Variants in ATP8B4 observed in about 807,000 individuals in gnomAD.
ATP8B4 encodes ATPase phospholipid transporting 8B4 (putative).
In ATP8B4, 133 loss-of-function variants were observed where a neutral mutation model predicts 145.6. That is an observed-to-expected ratio of 0.91 (90% CI 0.79 to 1.05). The LOEUF is 1.05. Among genes scored for constraint, ATP8B4 ranks in the 50% least tolerant of loss-of-function variants. The pLI, the probability that ATP8B4 is intolerant of heterozygous loss-of-function variation, is 0.00. For synonymous variants in ATP8B4, 507 were observed against 492.9 expected, an observed-to-expected ratio of 1.03 and a Z score of -0.38; for missense variants, 1,458 against 1,425.2, an observed-to-expected ratio of 1.02 and a Z score of -0.37.
intron 14 of ATP8B4, among the ~76,000 whole-genome samples, chr15:49,951,566 C>A (rs1055129174): frequency 2.6e-5 from 4 of 152,054 alleles, no homozygotes; most frequent in Non-Finnish European, 4.4e-5. Context: ...TTCCTCCATC[C>A]CTGTATTTGG....
Position 49,931,129 on chromosome 15 carries a change from C to A in ATP8B4, c.1632G>T (p.Met544Ile). 6.2e-7 allele frequency: 1 copy of A among 1,610,644 alleles called. No homozygotes were observed. Among genetic ancestry groups the A allele is most frequent in the South Asian group, 1.1e-5 (1 of 90,844 alleles). The change falls in exon 16 of 28, where the codon ATG (methionine) becomes ATT (isoleucine). Residue 544 changes from methionine to isoleucine, a missense_variant. By Grantham distance (10) the Met-to-Ile change is conservative (BLOSUM62 1). Coordinates refer to ENST00000284509, the MANE Select transcript of ATP8B4 (RefSeq NM_024837.4). ...FLDFNNTRKR[M>I]SVIVRNPEGQ... ...AGCTACCAACCATACCTATGACAGA[C>A]ATCCTTTTTCTGGTGTTGTTGAAAT...
At chr15:50,118,156 C>T (rs572915019) in intron 1 of ATP8B4, among the ~76,000 whole-genome samples, 24 of 151,914 alleles carry the variant, frequency 1.6e-4, no homozygotes, top group East Asian at 1.5e-3. Flanking sequence ...TAGATATAAA[C>T]GATAAAATAA....
intron 1 of ATP8B4, among the ~76,000 whole-genome samples, chr15:50,154,549 T>A (rs1272540262): frequency 1.3e-5 from 2 of 152,256 alleles, no homozygotes; most frequent in Non-Finnish European, 1.5e-5. Flanking sequence ...CTGTATGTTA[T>A]ATATCAATAT....
rs548738130 is a variant in ATP8B4, at chr15:50,046,760, A to G, written c.201+591T>C. On this transcript the variant is annotated intron_variant, in intron 4 of 27. Coordinates refer to ENST00000284509, the MANE Select transcript of ATP8B4 (RefSeq NM_024837.4). ...AGTATATATGTAGCTTCCTTGATTC[A>G]TATGTTTTTCCTTCCCAAAATATCC... 9.8e-5 allele frequency among the ~76,000 whole-genome samples: 15 copies of G among 152,308 alleles called. No individual in the cohort carries two copies. The East Asian group carries it at 2.9e-3, about 29-fold the overall frequency.
intron 6 of ATP8B4, among the ~76,000 whole-genome samples, chr15:50,027,379 G>GTGGTGGATGGA (rs139338084): frequency 6.7e-6 from 1 of 148,912 alleles, no homozygotes; most frequent in Non-Finnish European, 1.5e-5. Flanking sequence ...GGATGGATGG[G>GTGGTGGATGGA]TGGATGGATG....
intron 8 of ATP8B4, among the ~76,000 whole-genome samples, chr15:49,997,966 A>T (rs555567736): frequency 6.6e-6 from 1 of 152,268 alleles, no homozygotes; most frequent in Non-Finnish European, 1.5e-5. Context: ...TTGACGGACA[A>T]GAGTGAGAAA....
intron 7 of ATP8B4, among the ~76,000 whole-genome samples, chr15:50,003,155 T>C (rs1237414934): frequency 6.6e-6 from 1 of 152,166 alleles, no homozygotes; most frequent in African/African-American, 2.4e-5. Context: ...TTTTCTTACC[T>C]TTATTTTTAA....
chr15:50,038,595 T>C (rs2051019331), intron 6 of ATP8B4, among the ~76,000 whole-genome samples, 173 bp downstream of exon 6: 1 of 152,150 alleles, frequency 6.6e-6, no homozygotes, highest in African/African-American at 2.4e-5. Flanking sequence ...GCACAAGCAT[T>C]TGCGGAACAT....
rs75514648 is a variant in ATP8B4 at position 50,144,261 on chromosome 15, A to C, written c.-42-37253T>G. On this transcript the variant is annotated intron_variant, in intron 1 of 3. Coordinates refer to the ATP8B4 transcript ENST00000558829. ...TGGTGGTAGAAATGCAAAGGAGGGG[A>C]AGAGACGTGAAAAACATTCTGAGAT... Among the ~76,000 whole-genome samples, 1,061 of 152,312 alleles carry C rather than the reference A, an allele frequency of 7.0e-3. 5 individuals carry two copies. Among genetic ancestry groups the C allele is most frequent in the Non-Finnish European group, 0.011 (749 of 68,012 alleles).
At chr15:50,114,411 A>C (rs1336937823) in intron 1 of ATP8B4, 2 of 152,118 alleles carry the variant, frequency 1.3e-5, no homozygotes, top group Non-Finnish European at 2.9e-5. Flanking sequence ...TTCAGGCAAC[A>C]TTGGAAGTAC....
At position 49,966,691 on chromosome 15, in the gene ATP8B4, C is replaced by T. The variant is rs548077828; in HGVS notation, c.1244-4671G>A. On this transcript the variant is annotated intron_variant, in intron 13 of 27. Coordinates refer to ENST00000284509, the MANE Select transcript of ATP8B4 (RefSeq NM_024837.4). ...GGGGAAGGGGTGGCTGTGCGCGCAG[C>T]GTCAGCAGAATTATATGTTCCTGCC... 1.1e-4 allele frequency among the ~76,000 whole-genome samples: 17 copies of T among 152,266 alleles called. No homozygotes were observed. The South Asian group carries it at 1.2e-3, about 11-fold the overall frequency.
At chr15:50,104,646 A>G (rs1011122644) in intron 2 of ATP8B4, among the ~76,000 whole-genome samples, 1 of 152,172 alleles carries the variant, frequency 6.6e-6, no homozygotes, top group African/African-American at 2.4e-5. Context: ...TAGTACAACC[A>G]TTATGGAAAA....
At chr15:49,958,100 A>T (rs1345029416) in intron 14 of ATP8B4, among the ~76,000 whole-genome samples, 1 of 151,580 alleles carries the variant, frequency 6.6e-6, no homozygotes, top group African/African-American at 2.4e-5. Context: ...GGAGAAAAAA[A>T]CCCTTACCAT....
At chr15:50,008,598 CATA>C (rs1186550682) in intron 7 of ATP8B4, among the ~76,000 whole-genome samples, 3 of 152,132 alleles carry the variant, frequency 2.0e-5, no homozygotes, top group Non-Finnish European at 4.4e-5. Context: ...GCACACATAC[CATA>C]ATATAGAAAA....
At chr15:50,109,047 A>G (rs992352982) in intron 1 of ATP8B4, among the ~76,000 whole-genome samples, 10 of 152,092 alleles carry the variant, frequency 6.6e-5, no homozygotes, top group African/African-American at 2.2e-4. Context: ...CTGCCTTCCC[A>G]AGCTGGAGTG....
intron 3 of ATP8B4, among the ~76,000 whole-genome samples, chr15:50,068,649 T>C (rs1353504832): frequency 3.3e-5 from 5 of 152,150 alleles, no homozygotes; most frequent in Non-Finnish European, 5.9e-5. Flanking sequence ...ATTTATTAAG[T>C]GTTTTGGCTT....
At chr15:49,940,885 G>A (rs1306016847) in intron 14 of ATP8B4, among the ~76,000 whole-genome samples, 1 of 152,172 alleles carries the variant, frequency 6.6e-6, no homozygotes, top group Non-Finnish European at 1.5e-5. Context: ...GTTCATCACA[G>A]CATAAAAACA....
intron 16 of ATP8B4, among the ~76,000 whole-genome samples, chr15:49,928,298 T>A (rs2040913828): frequency 6.6e-6 from 1 of 152,058 alleles, no homozygotes; most frequent in African/African-American, 2.4e-5. Flanking sequence ...TGGGTAACAT[T>A]TGAATTGGAC....
chr15:50,024,636 A>G (rs2153584370), intron 6 of ATP8B4, among the ~76,000 whole-genome samples: 1 of 152,334 alleles, frequency 6.6e-6, no homozygotes, highest in East Asian at 1.9e-4. Context: ...TGCAAACCCC[A>G]GCAAGTCTAT....
Sources: gnomAD v4.1 joint callset for allele counts (sites outside exome capture counted in the v4.1 genomes callset) on GRCh38, gnomAD v4.1.1 for gene constraint, MANE v1.5 for transcripts, NCBI Gene and HGNC (gene_info 2026-07-23, HGNC 2026-07-21) for gene names.